NEGR1: variants seen among roughly 807,000 people sequenced by gnomAD.
The protein encoded by NEGR1 is IgLON family member 4.
In NEGR1, 10 loss-of-function variants were observed where a neutral mutation model predicts 40.9. That is an observed-to-expected ratio of 0.24 (90% CI 0.15 to 0.42). The LOEUF (loss-of-function observed/expected upper bound fraction) is 0.42, where lower values mean the gene tolerates loss of function less well. NEGR1 is among the 10% of genes least tolerant of loss of function. The pLI is 1.00. For missense variants in NEGR1, 352 were observed against 438.9 expected (o/e 0.80, Z 1.77); for synonymous variants, 185 against 166.8 (o/e 1.11, Z -0.84).
intron 1 of NEGR1, among the ~76,000 whole-genome samples, chr1:72,075,395 C>A (rs1488518046): frequency 6.6e-6 from 1 of 152,124 alleles, no homozygotes; most frequent in African/African-American, 2.4e-5. Flanking sequence ...CTAAAAACAG[C>A]TTAAAATTGT....
intron 4 of NEGR1, among the ~76,000 whole-genome samples, chr1:71,667,519 T>A (rs1229846909): frequency 2.0e-5 from 3 of 152,170 alleles, no homozygotes; most frequent in African/African-American, 7.2e-5. Context: ...TTCTACACCC[T>A]GGTGTCTGGT....
intron 6 of NEGR1, among the ~76,000 whole-genome samples, chr1:71,430,352 T>C (rs1646457958): frequency 6.6e-6 from 1 of 152,174 alleles, no homozygotes; most frequent in Non-Finnish European, 1.5e-5. Flanking sequence ...AACATATCCT[T>C]CCTCTGCAAT....
chr1:72,264,835 C>A (rs1655586753), intron 1 of NEGR1, among the ~76,000 whole-genome samples: 1 of 150,450 alleles, frequency 6.6e-6, no homozygotes, highest in Non-Finnish European at 1.5e-5. Flanking sequence ...AGAAAACTAC[C>A]TTTTTGAACA....
At chr1:72,226,552 T>C (rs1654196449) in intron 1 of NEGR1, among the ~76,000 whole-genome samples, 1 of 152,014 alleles carries the variant, frequency 6.6e-6, no homozygotes, top group Non-Finnish European at 1.5e-5. Context: ...AGAACTTACA[T>C]TTGACTTCAT....
chr1:72,231,456 A>G (rs1314234272), intron 1 of NEGR1, among the ~76,000 whole-genome samples: 1 of 152,180 alleles, frequency 6.6e-6, no homozygotes, highest in Admixed American at 6.6e-5. Flanking sequence ...ACATGGGGAC[A>G]ATGATAGTAC....
At chr1:71,450,426 A>G (rs1646618580) in intron 6 of NEGR1, among the ~76,000 whole-genome samples, 1 of 152,374 alleles carries the variant, frequency 6.6e-6, no homozygotes, top group South Asian at 2.1e-4. Flanking sequence ...TAACTAAAAT[A>G]TAAGACACAT....
chr1:71,560,105 TG>T (rs1254776668), intron 6 of NEGR1, among the ~76,000 whole-genome samples: 122 of 150,962 alleles, frequency 8.1e-4, no homozygotes, highest in African/African-American at 1.5e-3. Flanking sequence ...ATGATGATGA[TG>T]ATGATAACTA....
At chr1:71,711,025 CAA>C (rs1035321480) in intron 3 of NEGR1, among the ~76,000 whole-genome samples, 1 of 151,544 alleles carries the variant, frequency 6.6e-6, no homozygotes, top group African/African-American at 2.4e-5. Context: ...TATTTACCCA[CAA>C]AAAAAGTTAA....
chr1:72,223,149 A>G (rs1654066385), intron 1 of NEGR1, among the ~76,000 whole-genome samples: 1 of 152,186 alleles, frequency 6.6e-6, no homozygotes, highest in African/African-American at 2.4e-5. Context: ...CATCATTTGC[A>G]TTACCCTCCG....
At chr1:71,462,121 T>C (rs1646718303) in intron 6 of NEGR1, among the ~76,000 whole-genome samples, 1 of 152,180 alleles carries the variant, frequency 6.6e-6, no homozygotes, top group Non-Finnish European at 1.5e-5. Context: ...TAGTAGATAA[T>C]TGCATCTAAA....
intron 4 of NEGR1, among the ~76,000 whole-genome samples, chr1:71,648,438 C>G (rs1441646028): frequency 6.6e-6 from 1 of 151,956 alleles, no homozygotes; most frequent in African/African-American, 2.4e-5. Context: ...GATGAGAAAA[C>G]TGAGTTACAC....
At chr1:72,071,023 T>A (rs1162764158) in intron 1 of NEGR1, among the ~76,000 whole-genome samples, 1 of 152,024 alleles carries the variant, frequency 6.6e-6, no homozygotes, top group East Asian at 1.9e-4. Context: ...TAAAAGTAAG[T>A]GGAACATAGT....
intron 2 of NEGR1, among the ~76,000 whole-genome samples, chr1:71,868,720 A>G (rs1212424496): frequency 1.3e-5 from 2 of 151,988 alleles, no homozygotes; most frequent in African/African-American, 4.8e-5. Context: ...CCTATTTCTG[A>G]AACACACTTC....
At chr1:71,681,660 C>A (rs1312220725) in intron 4 of NEGR1, among the ~76,000 whole-genome samples, 1 of 152,146 alleles carries the variant, frequency 6.6e-6, no homozygotes, top group African/African-American at 2.4e-5. Flanking sequence ...AAAACTGAGT[C>A]ATTTCTTTCT....
chr1:71,696,724 C>T (rs1185598037), intron 4 of NEGR1, among the ~76,000 whole-genome samples: 1 of 151,810 alleles, frequency 6.6e-6, no homozygotes, highest in Non-Finnish European at 1.5e-5. Flanking sequence ...TCCTGAGAAT[C>T]AGTGGGAACC....
intron 1 of NEGR1, among the ~76,000 whole-genome samples, chr1:72,193,299 C>G (rs1652885158): frequency 6.6e-6 from 1 of 151,628 alleles, no homozygotes; most frequent in Admixed American, 6.6e-5. Flanking sequence ...CAAGAAAGTT[C>G]TAGTCCAGAA....
At chr1:71,736,979 G>A (rs993734429) in intron 3 of NEGR1, among the ~76,000 whole-genome samples, 1 of 152,158 alleles carries the variant, frequency 6.6e-6, no homozygotes, top group African/African-American at 2.4e-5. Flanking sequence ...AAGAACACTT[G>A]AAAATGCAAT....
intron 1 of NEGR1, among the ~76,000 whole-genome samples, chr1:72,177,243 T>C (rs1652200977): frequency 1.3e-5 from 2 of 152,064 alleles, no homozygotes. Flanking sequence ...GGTATATTTT[T>C]AGCAACCGAC....
chr1:72,168,173 C>T (rs1403098719), intron 1 of NEGR1, among the ~76,000 whole-genome samples: 1 of 151,802 alleles, frequency 6.6e-6, no homozygotes, highest in Admixed American at 6.6e-5. Flanking sequence ...GCTGCCACAC[C>T]CAGTTAATTT....
Sources: gnomAD v4.1 joint callset for allele counts (sites outside exome capture counted in the v4.1 genomes callset) on GRCh38, gnomAD v4.1.1 for gene constraint, MANE v1.5 for transcripts, NCBI Gene and HGNC (gene_info 2026-07-23, HGNC 2026-07-21) for gene names.